The following SLC28A3 variants were observed in gnomAD, a reference collection of about 807,000 sequenced individuals.
The protein encoded by SLC28A3 is concentrative Na(+)-nucleoside cotransporter 3.
A neutral mutation model predicts 84.2 loss-of-function variants in SLC28A3; 68 were observed. That is an observed-to-expected ratio of 0.81 (90% confidence interval 0.66 to 0.99). The LOEUF (loss-of-function observed/expected upper bound fraction) is 0.99. Ranked by LOEUF, SLC28A3 falls within the 50% of genes least tolerant of loss-of-function variation. The probability of loss-of-function intolerance (pLI) is 0.00; values close to 1 mark genes in which losing one functional copy is unlikely to be tolerated. For missense variants in SLC28A3, 712 were observed against 841.5 expected (o/e 0.85, Z 1.90); for synonymous variants, 267 against 303.6 (o/e 0.88, Z 1.25).
chr9:84,290,839 A>G (rs1336754788), intron 10 of SLC28A3, among the ~76,000 whole-genome samples: 1 of 151,926 alleles, frequency 6.6e-6, no homozygotes, highest in East Asian at 1.9e-4. Context: ...TTAAAAACAA[A>G]CAAACAAACA....
At chr9:84,307,262 CTCTACTAAAA>C (rs1564161590) in intron 3 of SLC28A3, among the ~76,000 whole-genome samples, 2 of 151,072 alleles carry the variant, frequency 1.3e-5, no homozygotes, top group Non-Finnish European at 2.9e-5. Flanking sequence ...GAAACCCTGT[CTCTACTAAAA>C]ATACAAAAAT....
At chr9:84,286,445 CTTTTTT>C (rs71498094) in intron 12 of SLC28A3, among the ~76,000 whole-genome samples, 8 of 87,680 alleles carry the variant, frequency 9.1e-5, no homozygotes, top group Admixed American at 1.4e-4. Flanking sequence ...CCATGCTTGG[CTTTTTT>C]TTTTTTTTTT....
At chr9:84,295,251 AC>A (rs1270888302) in intron 8 of SLC28A3, among the ~76,000 whole-genome samples, 1 of 151,958 alleles carries the variant, frequency 6.6e-6, no homozygotes, top group Non-Finnish European at 1.5e-5. Flanking sequence ...CTAAAAAGTG[AC>A]TGCATTTTGG....
intron 14 of SLC28A3, among the ~76,000 whole-genome samples, chr9:84,284,675 C>T (rs1246653696): frequency 1.3e-5 from 2 of 152,298 alleles, no homozygotes; most frequent in South Asian, 2.1e-4. Context: ...ACAAACATGA[C>T]CTCACCTGAG....
At chr9:84,353,610 T>C in the SLC28A3 span, among the ~76,000 whole-genome samples, 9 of 152,160 alleles carry the variant, frequency 5.9e-5, no homozygotes, top group African/African-American at 2.2e-4. Flanking sequence ...CTTGGGAGGC[T>C]GAGGCAGGAG....
rs1292762830 is a variant in SLC28A3 at position 84,340,637 on chromosome 9, C to T, written c.-4G>A. 6.2e-7 allele frequency: 1 copy of T among 1,614,164 alleles called. No homozygotes were observed. Among genetic ancestry groups the T allele is most frequent in the Non-Finnish European group, 8.5e-7 (1 of 1,180,016 alleles). ...CTGCTGTACTCCTCAGCTCCATGCT[C>T]TTTTTGCTGCTGGCTGGCTCTGGTC... On this transcript the variant is annotated 5_prime_UTR_variant, in exon 1 of 18. Coordinates refer to ENST00000376238, the MANE Select transcript of SLC28A3 (RefSeq NM_001199633.2).
intron 1 of SLC28A3, among the ~76,000 whole-genome samples, chr9:84,328,047 G>A (rs1826632713): frequency 6.6e-6 from 1 of 151,632 alleles, no homozygotes; most frequent in African/African-American, 2.4e-5. Flanking sequence ...AGCTGCCTGA[G>A]GTGGTGGTAA....
At chr9:84,360,002 CAAA>C in the SLC28A3 span, among the ~76,000 whole-genome samples, 190 of 56,260 alleles carry the variant, frequency 3.4e-3, 1 homozygote, top group Middle Eastern at 9.1e-3. Context: ...AACTCTGTCT[CAAA>C]AAAAAAAAAA....
rs1406422768 is a variant in SLC28A3 at position 84,285,988 on chromosome 9, C to T, written c.1404G>A (p.Leu468=). 1.2e-6 allele frequency: 2 copies of T among 1,613,978 alleles called. No homozygotes were observed. The highest frequency in any genetic ancestry group is 1.7e-6 in the Non-Finnish European group (2 of 1,179,988). ...AGTCAAACATGTTTCCAAACCAGGA[C>T]AGGGCTGAATTCATAAAAGACAGCA... The part of the protein sequence containing the change: ...LALLSFMNSA[L]SWFGNMFDYP... The change falls in exon 13 of 18, where the codon CTG becomes CTA. Residue 468 remains leucine (L), a synonymous_variant. Transcript: ENST00000376238.
In SLC28A3 at chr9:84,280,852, G is replaced by C. The variant is rs768419417; in HGVS notation, c.1678C>G (p.Leu560Val). The C allele has an allele frequency of 4.3e-6, 7 of 1,614,014 alleles. No homozygotes were observed. Among genetic ancestry groups the C allele is most frequent in the Non-Finnish European group, 5.1e-6 (6 of 1,180,026 alleles). Residue 560 changes from leucine to valine, a missense_variant, in exon 15 of 18, where the codon CTC becomes GTC. Transcript: ENST00000376238. ...GACCCGATATTGGCAAAACCACAGA[G>C]AGCGTAAGTGGCGATTATCTCAGAA... ...IRSEIIATYA[L>V]CGFANIGSLG... is the part of the protein sequence containing the mutation.
intron 5 of SLC28A3, 33 bp from the exon 6 acceptor site, chr9:84,299,758 T>A (rs761055507): frequency 6.4e-7 from 1 of 1,552,350 alleles, no homozygotes; most frequent in East Asian, 2.3e-5. Context: ...ATTGGCATCA[T>A]TTGTTGTGCT....
chr9:84,304,774 T>C (rs1164321924), intron 4 of SLC28A3, among the ~76,000 whole-genome samples: 1 of 152,166 alleles, frequency 6.6e-6, no homozygotes, highest in Non-Finnish European at 1.5e-5. Context: ...GTAATCCCAG[T>C]ACTTTGGGAG....
At chr9:84,300,734 G>T (rs1460509464) in intron 5 of SLC28A3, among the ~76,000 whole-genome samples, 1 of 152,190 alleles carries the variant, frequency 6.6e-6, no homozygotes, top group Non-Finnish European at 1.5e-5. Flanking sequence ...AGCAGTTGCT[G>T]CAGGACACAG....
chr9:84,367,959 C>T, the SLC28A3 span, among the ~76,000 whole-genome samples: 1 of 152,156 alleles, frequency 6.6e-6, no homozygotes, highest in Non-Finnish European at 1.5e-5. Flanking sequence ...AGGCCTTCCT[C>T]TTATCTCAAC....
intron 3 of SLC28A3, among the ~76,000 whole-genome samples, chr9:84,307,585 C>T (rs1022199766): frequency 2.0e-5 from 3 of 152,086 alleles, no homozygotes; most frequent in Non-Finnish European, 2.9e-5. Context: ...GAGTTAGAAA[C>T]AGTGCTCTCT....
In SLC28A3 at chr9:84,292,715, A is replaced by G; in HGVS notation, c.976T>C (p.Ser326Pro). Residue 326 changes from serine to proline, a missense_variant, in exon 10 of 18, where the codon TCT becomes CCT. Ser to Pro is a moderately conservative substitution (Grantham distance 74). Transcript: ENST00000376238. Reference protein sequence around the residue: ...GWIMLVTTGSSPIESVVASGN... With the variant: ...GWIMLVTTGSPPIESVVASGN... The stretch of plus-strand genomic sequence containing the variant: ...GAAGCAACTACAGATTCAATAGGAG[A>G]TGATCCCGTAGTAACTAGCATGATC... The G allele has an allele frequency of 1.2e-6, 2 of 1,607,566 alleles. No homozygotes were observed. The highest frequency in any genetic ancestry group is 1.7e-6 in the Non-Finnish European group (2 of 1,177,804).
At chr9:84,324,172 T>C (rs918907682) in intron 1 of SLC28A3, among the ~76,000 whole-genome samples, 1 of 152,178 alleles carries the variant, frequency 6.6e-6, no homozygotes, top group African/African-American at 2.4e-5. Context: ...AATAGACCGG[T>C]GCTCCCAACT....
chr9:84,294,279 T>C lies in SLC28A3; in HGVS notation c.862-4A>G. The stretch of plus-strand genomic sequence containing the variant: ...AGAAAACCACGATCGGCAGGACCTG[T>C]GGGGACAGAAACAAACATGGATTAA... On this transcript the variant is annotated splice_polypyrimidine_tract_variant and splice_region_variant and intron_variant, in intron 8 of 17. Transcript: ENST00000376238. The C allele has an allele frequency of 6.2e-7, 1 of 1,614,040 alleles. No individual in the cohort carries two copies. The highest frequency in any genetic ancestry group is 8.5e-7 in the Non-Finnish European group (1 of 1,179,942).
At chr9:84,323,435 T>TC (rs1826444419) in intron 1 of SLC28A3, among the ~76,000 whole-genome samples, 1 of 151,302 alleles carries the variant, frequency 6.6e-6, no homozygotes, top group Non-Finnish European at 1.5e-5. Context: ...GATTTTTTTT[T>TC]TTTTTTTGAG....
Sources: gnomAD v4.1 joint callset for allele counts (sites outside exome capture counted in the v4.1 genomes callset) on GRCh38, gnomAD v4.1.1 for gene constraint, MANE v1.5 for transcripts, NCBI Gene and HGNC (gene_info 2026-07-23, HGNC 2026-07-21) for gene names.